The following SLC25A27 variants were observed in gnomAD, a reference collection of about 807,000 sequenced individuals.
SLC25A27 encodes solute carrier family 25 member 27, also known as mitochondrial uncoupling protein 4.
SLC25A27 carries 35 observed loss-of-function variants against 49.1 expected under a neutral mutation model. The ratio of observed to expected loss-of-function variants is 0.71; its 90% CI spans 0.54 to 0.95. The LOEUF is 0.95. Ranked by LOEUF, SLC25A27 falls within the 40% of genes least tolerant of loss-of-function variation. The pLI, the probability that SLC25A27 is intolerant of heterozygous loss-of-function variation, is 0.00. For synonymous variants in SLC25A27, 144 were observed against 136.9 expected (o/e 1.05, Z -0.36); for missense variants, 339 against 397.1 (o/e 0.85, Z 1.24).
At chr6:46,673,213 G>T (rs1763620678) in intron 8 of SLC25A27, among the ~76,000 whole-genome samples, 1 of 152,186 alleles carries the variant, frequency 6.6e-6, no homozygotes, top group Non-Finnish European at 1.5e-5. Flanking sequence ...GAATCACTTG[G>T]TATATGGCCA....
chr6:46,664,922 A>G, intron 5 of SLC25A27, 36 bp downstream of exon 5: 1 of 1,087,806 alleles, frequency 9.2e-7, no homozygotes, highest in East Asian at 2.5e-5. Flanking sequence ...AAAAGTCCTA[A>G]TTGCCTTAAT....
chr6:46,662,331 G>A (rs9381469), intron 3 of SLC25A27, 45 bp from the exon 4 acceptor site: 760,944 of 1,589,822 alleles, frequency 0.48, 185,202 homozygotes, highest in East Asian at 0.52. Flanking sequence ...TATAAAATTC[G>A]TGAAATTAAT....
In SLC25A27 at chr6:46,653,912, A is replaced by G. The variant is rs564387524; in HGVS notation, c.106+614A>G. 1.1e-5 allele frequency: 10 copies of G among 948,936 alleles called. No homozygotes were observed. In the Admixed American group the frequency reaches 1.8e-4, roughly 18 times the overall value. 58.8% of individuals were successfully genotyped at this position (948,936 alleles called of 1,614,324 possible). A position where few individuals can be genotyped will look rare whatever the true frequency, so the allele number is the denominator to read the frequency against. The stretch of plus-strand genomic sequence containing the variant: ...TCCTACAATACCAGGGACTGTGGAT[A>G]TATATTTGAAAAGACCCAGTTCTGA... On this transcript the variant is annotated intron_variant, in intron 1 of 8. Coordinates refer to ENST00000371347, the MANE Select transcript of SLC25A27 (RefSeq NM_004277.5).
At chr6:46,669,196 T>C (rs758775887) in intron 6 of SLC25A27, among the ~76,000 whole-genome samples, 5 of 152,118 alleles carry the variant, frequency 3.3e-5, no homozygotes, top group Middle Eastern at 3.4e-3. Flanking sequence ...AAGACAAATA[T>C]AAAAACACTC....
chr6:46,656,107 C>A, intron 2 of SLC25A27, 73 bp downstream of exon 2: 2 of 1,292,820 alleles, frequency 1.5e-6, no homozygotes, highest in African/African-American at 1.5e-5. Context: ...TCTGTTTGTC[C>A]AAAAACAAGT....
chr6:46,654,159 T>C (rs1182919699), intron 1 of SLC25A27: 3 of 981,628 alleles, frequency 3.1e-6, no homozygotes, highest in Non-Finnish European at 3.6e-6. Context: ...ACTCATGTGT[T>C]TCCTGTGAAG....
intron 1 of SLC25A27, among the ~76,000 whole-genome samples, chr6:46,655,372 A>C (rs150750447): frequency 6.6e-6 from 1 of 152,130 alleles, no homozygotes; most frequent in Non-Finnish European, 1.5e-5. Flanking sequence ...GTTACATTAG[A>C]TCTCAAATAA....
intron 1 of SLC25A27, 97 bp downstream of exon 1, chr6:46,653,395 G>A (rs1645614045): frequency 3.4e-6 from 5 of 1,460,762 alleles, no homozygotes; most frequent in South Asian, 1.4e-5. Context: ...GTGCGCATCG[G>A]AGAGGTCGCC....
Position 46,676,888 on chromosome 6 carries a change from TATGTC to T in SLC25A27, c.*436_*440del, listed in dbSNP as rs1341654346. 1 of 552,364 alleles carries T rather than the reference TATGTC, an allele frequency of 1.8e-6. No homozygotes were observed. Among genetic ancestry groups the T allele is most frequent in the East Asian group, 2.8e-5 (1 of 35,362 alleles). 34.2% of individuals were successfully genotyped at this position (552,364 alleles called of 1,614,324 possible). A position where few individuals can be genotyped will look rare whatever the true frequency, so the allele number is the denominator to read the frequency against. Reference sequence around the variant, plus strand: ...TGCTTAAGAAATACATTTAACCTGTTATGTCAGTATTTATCAATGAAGTTTGATAA... The same window carrying T: ...TGCTTAAGAAATACATTTAACCTGTTAGTATTTATCAATGAAGTTTGATAA... On this transcript the variant is annotated 3_prime_UTR_variant, in exon 9 of 9. Coordinates refer to ENST00000371347, the MANE Select transcript of SLC25A27 (RefSeq NM_004277.5).
intron 1 of SLC25A27, chr6:46,653,833 AT>A (rs1158881556): frequency 3.0e-6 from 3 of 985,258 alleles, no homozygotes. Flanking sequence ...AGTCAATAAT[AT>A]ATGATTGCTA....
intron 2 of SLC25A27, among the ~76,000 whole-genome samples, chr6:46,656,817 G>A (rs1056056207): frequency 6.6e-6 from 1 of 152,206 alleles, no homozygotes; most frequent in African/African-American, 2.4e-5. Context: ...CACGTATTTA[G>A]GGATGAACTG....
chr6:46,656,241 C>T (rs565329562), intron 2 of SLC25A27, among the ~76,000 whole-genome samples: 4 of 151,696 alleles, frequency 2.6e-5, no homozygotes, highest in African/African-American at 4.8e-5. Context: ...AGTGCAGTGG[C>T]GCCATCTCAG....
rs975537483 is a variant in SLC25A27 at position 46,677,658 on chromosome 6, A to C, written c.*1204A>C. 9.2e-5 allele frequency: 14 copies of C among 152,338 alleles called. No individual in the cohort carries two copies. Among genetic ancestry groups the C allele is most frequent in the African/African-American group, 3.1e-4 (13 of 41,440 alleles). 9.4% of individuals were successfully genotyped at this position (152,338 alleles called of 1,614,324 possible). On this transcript the variant is annotated 3_prime_UTR_variant, in exon 9 of 9. Coordinates refer to ENST00000371347, the MANE Select transcript of SLC25A27 (RefSeq NM_004277.5). ...CAGCTACATACCACCGGCTCTCCCA[A>C]CCTCAGACGGTGGGCATTTCTGGAT...
chr6:46,654,078 C>G (rs1762880401), intron 1 of SLC25A27: 4 of 983,320 alleles, frequency 4.1e-6, no homozygotes, highest in Non-Finnish European at 4.8e-6. Flanking sequence ...TTTAAGAGGC[C>G]ATCTAGAGTG....
chr6:46,666,120 T>G (rs940642040), intron 5 of SLC25A27, among the ~76,000 whole-genome samples: 3 of 152,166 alleles, frequency 2.0e-5, no homozygotes, highest in Admixed American at 6.5e-5. Flanking sequence ...TCCTACATAG[T>G]TTTCTTCTAG....
intron 3 of SLC25A27, among the ~76,000 whole-genome samples, chr6:46,661,200 G>T (rs547381447): frequency 6.6e-6 from 1 of 152,162 alleles, no homozygotes; most frequent in South Asian, 2.1e-4. Flanking sequence ...TCATCATTGT[G>T]TGGAGAAACA....
At chr6:46,666,514 G>A (rs1050080905) in intron 5 of SLC25A27, among the ~76,000 whole-genome samples, 2 of 152,116 alleles carry the variant, frequency 1.3e-5, no homozygotes, top group African/African-American at 4.8e-5. Flanking sequence ...TCTGTTTTCA[G>A]CTTTGCTATT....
chr6:46,677,318 C>G lies in SLC25A27; in HGVS notation c.*864C>G, dbSNP rs546669621. 3.3e-5 allele frequency: 5 copies of G among 152,250 alleles called. No homozygotes were observed. In the East Asian group the frequency reaches 9.6e-4, roughly 29 times the overall value. The allele number at this position is 152,250 out of a possible 1,614,324, so 9.4% of individuals were successfully genotyped here. On this transcript the variant is annotated 3_prime_UTR_variant, in exon 9 of 9. Coordinates refer to ENST00000371347, the MANE Select transcript of SLC25A27 (RefSeq NM_004277.5). The stretch of plus-strand genomic sequence containing the variant: ...TGATTAAAACTCAGCTGTATAGATC[C>G]TTTTATAAAGCACCTTTTGTTAAAC...
At chr6:46,662,584 G>C in intron 4 of SLC25A27, 86 bp downstream of exon 4, 1 of 1,389,092 alleles carries the variant, frequency 7.2e-7, no homozygotes, top group Admixed American at 1.9e-5. Flanking sequence ...TTATCATCCA[G>C]TATGCAGTAA....
Sources: allele counts gnomAD v4.1 joint callset (sites outside exome capture counted in the v4.1 genomes callset), GRCh38; gene constraint gnomAD v4.1.1; transcripts MANE v1.5; gene names NCBI Gene and HGNC (gene_info 2026-07-23, HGNC 2026-07-21).